ANKRD28: variants seen among roughly 807,000 people sequenced by gnomAD.
The protein encoded by ANKRD28 is serine/threonine-protein phosphatase 6 regulatory ankyrin repeat subunit A.
In ANKRD28, 44 loss-of-function variants were observed where a neutral mutation model predicts 126.5. The ratio of observed to expected loss-of-function variants is 0.35; its 90% CI spans 0.27 to 0.45. The LOEUF is 0.45. Among genes scored for constraint, ANKRD28 ranks in the 20% least tolerant of loss-of-function variants. The probability of loss-of-function intolerance (pLI) is 1.00; values close to 1 mark genes in which losing one functional copy is unlikely to be tolerated. For missense variants in ANKRD28, 1,110 were observed against 1,316.6 expected (o/e 0.84, Z 2.43); for synonymous variants, 442 against 468.5 (o/e 0.94, Z 0.73).
intron 3 of ANKRD28, among the ~76,000 whole-genome samples, chr3:15,760,450 C>T (rs1044927225): frequency 2.0e-5 from 3 of 152,156 alleles, no homozygotes; most frequent in African/African-American, 7.2e-5. Flanking sequence ...TCACTTTTTG[C>T]CCCTTCCTTT....
At chr3:15,773,683 A>C (rs1049998447) in intron 2 of ANKRD28, among the ~76,000 whole-genome samples, 3 of 152,220 alleles carry the variant, frequency 2.0e-5, no homozygotes, top group Non-Finnish European at 2.9e-5. Flanking sequence ...AAAAAAATCA[A>C]AGAACACCTA....
chr3:15,668,535 T>C lies in ANKRD28; in HGVS notation c.*1735A>G, dbSNP rs1441325504. The C allele has an allele frequency of 6.6e-6, 1 of 152,562 alleles. No individual in the cohort carries two copies. The highest frequency in any genetic ancestry group is 1.5e-5 in the Non-Finnish European group (1 of 68,008). 9.5% of individuals were successfully genotyped at this position (152,562 alleles called of 1,614,324 possible). On this transcript the variant is annotated 3_prime_UTR_variant, in exon 28 of 28. Transcript: ENST00000683139. Reference sequence around the variant, plus strand: ...TATTTTAGAAAAAATGCTTAAAATCTAGTAGTCAATGCCCTAGAAACTTTA... The same window carrying C: ...TATTTTAGAAAAAATGCTTAAAATCCAGTAGTCAATGCCCTAGAAACTTTA...
intron 3 of ANKRD28, among the ~76,000 whole-genome samples, chr3:15,762,212 AAC>A (rs1477241757): frequency 0.033 from 959 of 29,400 alleles, 17 homozygotes; most frequent in African/African-American, 0.056. Flanking sequence ...AAAAAAAAAA[AAC>A]AAAACAAAAA....
rs976674825 is a variant in ANKRD28 at position 15,668,595 on chromosome 3, A to G, written c.*1675T>C. 4 of 152,602 alleles carry G rather than the reference A, an allele frequency of 2.6e-5. No homozygotes were observed. Among genetic ancestry groups the G allele is most frequent in the Non-Finnish European group, 5.9e-5 (4 of 68,026 alleles). The allele number at this position is 152,602 out of a possible 1,614,324, so 9.5% of individuals were successfully genotyped here. On this transcript the variant is annotated 3_prime_UTR_variant, in exon 28 of 28. Transcript: ENST00000683139. ...AGATAATATGCACAGATACAAATAC[A>G]TTATTCATTAAATACAACTCACATC...
intron 1 of ANKRD28, 102 bp from the exon 2 acceptor site, chr3:15,795,408 A>C: frequency 1.3e-6 from 1 of 742,158 alleles, no homozygotes; most frequent in Non-Finnish European, 2.2e-6. Context: ...TCCCTGTAGC[A>C]ATAATCACTT....
chr3:15,783,599 A>G (rs2059634820), intron 2 of ANKRD28, among the ~76,000 whole-genome samples: 1 of 152,084 alleles, frequency 6.6e-6, no homozygotes, highest in Non-Finnish European at 1.5e-5. Flanking sequence ...AACAGATGAA[A>G]CAGAGAAGCA....
At chr3:15,784,724 G>C (rs969507898) in intron 2 of ANKRD28, among the ~76,000 whole-genome samples, 1 of 151,854 alleles carries the variant, frequency 6.6e-6, no homozygotes, top group Non-Finnish European at 1.5e-5. Flanking sequence ...TGTCAGACTC[G>C]ATCAAAAAAC....
chr3:15,733,155 ACT>A (rs1328744142), intron 6 of ANKRD28: 4 of 152,252 alleles, frequency 2.6e-5, no homozygotes, highest in African/African-American at 7.2e-5. Flanking sequence ...ACAGAGCAAG[ACT>A]CTGTCTCAAA....
At chr3:15,849,461 G>C (rs1475990442) in intron 1 of ANKRD28, among the ~76,000 whole-genome samples, 1 of 152,178 alleles carries the variant, frequency 6.6e-6, no homozygotes, top group African/African-American at 2.4e-5. Flanking sequence ...ATTATTTTGA[G>C]TTGAAAACAT....
intron 1 of ANKRD28, among the ~76,000 whole-genome samples, chr3:15,858,160 A>G (rs891414037): frequency 3.3e-5 from 5 of 152,248 alleles, no homozygotes; most frequent in Admixed American, 1.3e-4. Context: ...GTGGCTAGCA[A>G]AACTATGGAA....
chr3:15,769,496 G>C (rs2058897705), intron 2 of ANKRD28, among the ~76,000 whole-genome samples: 1 of 152,012 alleles, frequency 6.6e-6, no homozygotes. Context: ...TATATTTATT[G>C]AATCACTGTA....
chr3:15,672,146 ATT>A (rs869087310), intron 27 of ANKRD28, among the ~76,000 whole-genome samples: 2,291 of 136,436 alleles, frequency 0.017, 69 homozygotes, highest in African/African-American at 0.057. Flanking sequence ...TAAAAAAAGG[ATT>A]TTTTTTTTTT....
intron 3 of ANKRD28, among the ~76,000 whole-genome samples, chr3:15,764,362 A>C (rs751426353): frequency 4.6e-5 from 7 of 152,250 alleles, no homozygotes; most frequent in Non-Finnish European, 8.8e-5. Flanking sequence ...CACAGCTGAC[A>C]TCTAGATACT....
chr3:15,720,460 C>T (rs1371761565), intron 8 of ANKRD28, among the ~76,000 whole-genome samples: 2 of 152,178 alleles, frequency 1.3e-5, no homozygotes, highest in Non-Finnish European at 2.9e-5. Flanking sequence ...CTAAACACAA[C>T]ATTAACTAGG....
chr3:15,834,298 C>T (rs999292147), intron 1 of ANKRD28, among the ~76,000 whole-genome samples: 1 of 152,084 alleles, frequency 6.6e-6, no homozygotes, highest in South Asian at 2.1e-4. Flanking sequence ...TTTTCCCAGA[C>T]CCATTTACTG....
At chr3:15,757,828 T>C (rs2058247891) in intron 3 of ANKRD28, among the ~76,000 whole-genome samples, 1 of 152,182 alleles carries the variant, frequency 6.6e-6, no homozygotes, top group South Asian at 2.1e-4. Context: ...AAAAGATCTA[T>C]GTTAGGGGTC....
intron 6 of ANKRD28, among the ~76,000 whole-genome samples, chr3:15,731,564 A>G (rs2074597183): frequency 6.6e-6 from 1 of 152,172 alleles, no homozygotes; most frequent in South Asian, 2.1e-4. Context: ...ATGGCCCAGT[A>G]CATAACTAGC....
At chr3:15,743,136 G>A (rs1676354585) in intron 4 of ANKRD28, among the ~76,000 whole-genome samples, 1 of 152,074 alleles carries the variant, frequency 6.6e-6, no homozygotes, top group Non-Finnish European at 1.5e-5. Context: ...TGGATTAAGG[G>A]TGGTGCAAGA....
At chr3:15,752,413 A>G (rs2057913599) in intron 3 of ANKRD28, among the ~76,000 whole-genome samples, 1 of 152,236 alleles carries the variant, frequency 6.6e-6, no homozygotes, top group Non-Finnish European at 1.5e-5. Context: ...AAACAAATCA[A>G]TTTTGTACAG....
Sources: allele counts gnomAD v4.1 joint callset (sites outside exome capture counted in the v4.1 genomes callset), GRCh38; gene constraint gnomAD v4.1.1; transcripts MANE v1.5; gene names NCBI Gene and HGNC (gene_info 2026-07-23, HGNC 2026-07-21).